Variants in KCNK9 observed in about 807,000 individuals in gnomAD.
KCNK9 encodes the protein potassium two pore domain channel subfamily K member 9, also known as potassium channel subfamily K member 9.
Under a neutral mutation model 10.8 loss-of-function variants are expected in KCNK9, and 1 was observed. The observed-to-expected ratio is 0.09, with a 90% confidence interval of 0.03 to 0.44. KCNK9 has a LOEUF of 0.44. Among genes scored for constraint, KCNK9 ranks in the 20% least tolerant of loss-of-function variants. The probability of loss-of-function intolerance (pLI) is 0.97; values close to 1 mark genes in which losing one functional copy is unlikely to be tolerated. For missense variants in KCNK9, 303 were observed against 515.0 expected (o/e 0.59, Z 3.98); for synonymous variants, 231 against 222.7 (o/e 1.04, Z -0.33).
intron 1 of KCNK9, among the ~76,000 whole-genome samples, chr8:139,636,449 C>T (rs1815342247): frequency 6.6e-6 from 1 of 152,270 alleles, no homozygotes; most frequent in East Asian, 1.9e-4. Flanking sequence ...AGCCATTTGC[C>T]TGTCCAGATG....
At chr8:139,675,908 C>T (rs1344955502) in intron 1 of KCNK9, among the ~76,000 whole-genome samples, 1 of 152,210 alleles carries the variant, frequency 6.6e-6, no homozygotes, top group Non-Finnish European at 1.5e-5. Context: ...GACTCCTTTG[C>T]ACTTAGGTAG....
At chr8:139,671,228 T>C (rs572570998) in intron 1 of KCNK9, among the ~76,000 whole-genome samples, 2 of 152,342 alleles carry the variant, frequency 1.3e-5, no homozygotes, top group South Asian at 4.2e-4. Context: ...GGCAGAGGGC[T>C]TCTGTGGCAG....
At chr8:139,700,534 A>G (rs1342328986) in intron 1 of KCNK9, among the ~76,000 whole-genome samples, 1,469 of 124,508 alleles carry the variant, frequency 0.012, 22 homozygotes, top group African/African-American at 0.042. Flanking sequence ...ACACACACAC[A>G]CACACGCGCG....
At chr8:139,611,129 C>T (rs542783259), downstream of KCNK9, among the ~76,000 whole-genome samples, 1 of 152,218 alleles carries the variant, frequency 6.6e-6, no homozygotes, top group Non-Finnish European at 1.5e-5. Context: ...CCCAGAGTAA[C>T]TTCCTCTGGG....
intron 1 of KCNK9, among the ~76,000 whole-genome samples, chr8:139,624,712 C>G (rs1814910020): frequency 6.6e-6 from 1 of 152,182 alleles, no homozygotes; most frequent in African/African-American, 2.4e-5. Flanking sequence ...TCCTAGGTCA[C>G]CTGCTAAGTG....
At chr8:139,695,189 G>A (rs1001076518) in intron 1 of KCNK9, among the ~76,000 whole-genome samples, 1 of 152,228 alleles carries the variant, frequency 6.6e-6, no homozygotes, top group Non-Finnish European at 1.5e-5. Context: ...GCACAAAATG[G>A]AAGTACATGT....
chr8:139,628,221 C>T (rs1016987711), intron 1 of KCNK9, among the ~76,000 whole-genome samples: 1 of 152,176 alleles, frequency 6.6e-6, no homozygotes, highest in African/African-American at 2.4e-5. Flanking sequence ...CTCTCCATCT[C>T]CTTTGCCTTT....
At chr8:139,665,374 C>A (rs1450236079) in intron 1 of KCNK9, among the ~76,000 whole-genome samples, 1 of 152,210 alleles carries the variant, frequency 6.6e-6, no homozygotes, top group East Asian at 1.9e-4. Flanking sequence ...TGACTCTACC[C>A]TCCTGCCTCC....
rs536403138 is a variant in KCNK9, at chr8:139,606,537, G to A, written c.*1-4936C>T. On this transcript the variant is annotated intron_variant, in intron 2 of 2. Transcript: ENST00000650269. ...AATCATTTTGATGGGTGTGAGTTTG[G>A]AACTAATTCAAGCTTAATTTCTTCT... is the stretch of plus-strand genomic sequence containing the variant. Among the ~76,000 whole-genome samples, 4 of 152,302 alleles carry A rather than the reference G, an allele frequency of 2.6e-5. 1 individual carries two copies. Among genetic ancestry groups the A allele is most frequent in the African/African-American group, 9.6e-5 (4 of 41,560 alleles).
rs748355464 is a variant in KCNK9, at chr8:139,618,459, G to A, written c.924C>T (p.Gly308=). 8 of 1,613,898 alleles carry A rather than the reference G, an allele frequency of 5.0e-6. No homozygotes were observed. The African/African-American group carries it at 5.3e-5, about 11-fold the overall frequency. Residue 308 remains glycine (G), a synonymous_variant, in exon 2 of 2, where the codon GGC becomes GGT. Transcript: ENST00000520439. The surrounding 1 kb of genome is among the most constrained non-coding windows in gnomAD (Gnocchi z 7.9). The stretch of plus-strand genomic sequence containing the variant: ...AGTTCTGCGGTGCCACCGAGCGGCC[G>A]CCATAGTCCTGCGAGCGGTAGCAGG... ...SCTCYRSQDY[G]GRSVAPQNSF... is the part of the protein sequence containing the mutation.
At chr8:139,656,275 G>A (rs1816017561) in intron 1 of KCNK9, among the ~76,000 whole-genome samples, 1 of 152,166 alleles carries the variant, frequency 6.6e-6, no homozygotes, top group Non-Finnish European at 1.5e-5. Context: ...GCCAGGAGCA[G>A]CCCGAGCAGA....
chr8:139,638,602 CT>C (rs1815405620), intron 1 of KCNK9, among the ~76,000 whole-genome samples: 1 of 152,188 alleles, frequency 6.6e-6, no homozygotes. Flanking sequence ...CGCTGGGTCC[CT>C]TTGACTTTCC....
At chr8:139,696,775 A>ATGGT (rs1272021252) in intron 1 of KCNK9, among the ~76,000 whole-genome samples, 2 of 145,992 alleles carry the variant, frequency 1.4e-5, no homozygotes, top group African/African-American at 5.1e-5. Context: ...GGATGGATGG[A>ATGGT]TGGATGAGTG....
At chr8:139,655,398 G>A (rs1448916109) in intron 1 of KCNK9, among the ~76,000 whole-genome samples, 1 of 152,158 alleles carries the variant, frequency 6.6e-6, no homozygotes, top group Non-Finnish European at 1.5e-5. Flanking sequence ...CAGACATGCT[G>A]GCTGGCTGGC....
At chr8:139,690,669 A>G (rs1193592831) in intron 1 of KCNK9, among the ~76,000 whole-genome samples, 2 of 152,158 alleles carry the variant, frequency 1.3e-5, no homozygotes, top group South Asian at 4.1e-4. Flanking sequence ...AATTCCAGGC[A>G]GAGGGACAGT....
chr8:139,644,380 T>G (rs1219539167), intron 1 of KCNK9, among the ~76,000 whole-genome samples: 2 of 152,248 alleles, frequency 1.3e-5, no homozygotes, highest in African/African-American at 4.8e-5. Flanking sequence ...TTCTGTTTCA[T>G]TTTTTAATAT....
intron 1 of KCNK9, among the ~76,000 whole-genome samples, chr8:139,700,532 A>ACGCGCG (rs1563757395): frequency 4.8e-5 from 6 of 124,908 alleles, no homozygotes; most frequent in African/African-American, 1.9e-4. Context: ...ACACACACAC[A>ACGCGCG]CACACACGCG....
downstream of KCNK9, among the ~76,000 whole-genome samples, chr8:139,614,514 C>T (rs1419941833): frequency 6.6e-6 from 1 of 152,178 alleles, no homozygotes; most frequent in Non-Finnish European, 1.5e-5. Context: ...CAAGGGGGTT[C>T]ACATGTAGAG....
chr8:139,604,537 G>A (rs371269059), intron 2 of KCNK9, among the ~76,000 whole-genome samples: 16 of 152,296 alleles, frequency 1.1e-4, no homozygotes, highest in East Asian at 1.9e-4. Flanking sequence ...AAAGCTGACC[G>A]GTAGGAAAGA....
Sources: allele counts gnomAD v4.1 joint callset (sites outside exome capture counted in the v4.1 genomes callset), GRCh38; gene constraint gnomAD v4.1.1; non-coding constraint Gnocchi (gnomAD v3.1); transcripts MANE v1.5; gene names NCBI Gene and HGNC (gene_info 2026-07-23, HGNC 2026-07-21).